Variants in TNFAIP8 observed in about 807,000 individuals in gnomAD.
TNFAIP8 encodes the protein TNF alpha induced protein 8, also known as tumor necrosis factor alpha-induced protein 8.
Under a neutral mutation model 13.3 loss-of-function variants are expected in TNFAIP8, and 7 were observed. The ratio of observed to expected loss-of-function variants is 0.52; its 90% confidence interval spans 0.30 to 0.99. The LOEUF (loss-of-function observed/expected upper bound fraction) is 0.99, where lower values mean the gene tolerates loss of function less well. Ranked by LOEUF, TNFAIP8 falls within the 50% of genes least tolerant of loss-of-function variation. TNFAIP8 has a pLI of 0.07. For synonymous variants in TNFAIP8, 94 were observed against 87.6 expected (o/e 1.07, Z -0.41); for missense variants, 258 against 236.9 (o/e 1.09, Z -0.58).
rs1199552814 is a variant in TNFAIP8 at position 119,393,022 on chromosome 5, A to G, written c.238A>G (p.Ile80Val). 1.2e-6 allele frequency: 2 copies of G among 1,613,544 alleles called. No homozygotes were observed. The highest frequency in any genetic ancestry group is 1.7e-6 in the Non-Finnish European group (2 of 1,179,694). ...CATCAAGAACCTCATCAAGACAGTC[A>G]TCAAGCTGGCCATTCTTTATAGGAA... ...KIIKNLIKTV[I>V]KLAILYRNNQ... is the part of the protein sequence containing the mutation. The change falls in exon 2 of 2, where the codon ATC (isoleucine) becomes GTC (valine). Residue 80 changes from isoleucine (I) to valine (V), a missense_variant. Physicochemically the swap from Ile to Val is conservative, Grantham distance 29. Transcript: ENST00000504771.
intron 1 of TNFAIP8, among the ~76,000 whole-genome samples, chr5:119,280,362 T>TAAA (rs541069435): frequency 4.6e-5 from 7 of 151,970 alleles, no homozygotes; most frequent in Non-Finnish European, 1.0e-4. Flanking sequence ...AAGTCTCTTT[T>TAAA]AATCTACAGA....
intron 1 of TNFAIP8, among the ~76,000 whole-genome samples, chr5:119,371,242 G>A (rs370898877): frequency 1.3e-5 from 2 of 152,092 alleles, no homozygotes; most frequent in African/African-American, 4.8e-5. Flanking sequence ...CGTGGAGTCT[G>A]GTATTTGTAT....
At chr5:119,381,607 C>T (rs1484126685) in intron 1 of TNFAIP8, among the ~76,000 whole-genome samples, 3 of 151,706 alleles carry the variant, frequency 2.0e-5, no homozygotes, top group Non-Finnish European at 2.9e-5. Context: ...GAGGCCATTC[C>T]CCTGTCTCTT....
At chr5:119,301,981 C>G (rs1269680762) in intron 1 of TNFAIP8, among the ~76,000 whole-genome samples, 1 of 152,194 alleles carries the variant, frequency 6.6e-6, no homozygotes, top group East Asian at 1.9e-4. Flanking sequence ...TCTAGTTTAT[C>G]TTCAGGAATG....
chr5:119,268,920 T>C, intron 1 of TNFAIP8: 1 of 699,124 alleles, frequency 1.4e-6, no homozygotes, highest in Non-Finnish European at 2.6e-6. Flanking sequence ...AAGTGGCTCC[T>C]GGGCGCGCCC....
At chr5:119,354,852 A>G (rs992821517), upstream of TNFAIP8, 3 of 159,280 alleles carry the variant, frequency 1.9e-5, no homozygotes, top group Non-Finnish European at 4.2e-5. Context: ...TGCCTATATA[A>G]AATCGGAAAC....
chr5:119,278,349 G>GAA, intron 1 of TNFAIP8, among the ~76,000 whole-genome samples: 1 of 115,042 alleles, frequency 8.7e-6, no homozygotes, highest in Non-Finnish European at 1.8e-5. Flanking sequence ...AAGACAGGAA[G>GAA]GGGGAGAGAG....
chr5:119,376,082 A>C (rs1752267200), intron 1 of TNFAIP8, among the ~76,000 whole-genome samples: 1 of 152,074 alleles, frequency 6.6e-6, no homozygotes, highest in Non-Finnish European at 1.5e-5. Flanking sequence ...CACTGAAATT[A>C]AAATGAAAAA....
intron 1 of TNFAIP8, among the ~76,000 whole-genome samples, chr5:119,388,305 C>G (rs1752755452): frequency 6.6e-6 from 1 of 152,178 alleles, no homozygotes; most frequent in South Asian, 2.1e-4. Flanking sequence ...TGAGGTAAAA[C>G]AAATACCTGT....
intron 1 of TNFAIP8, among the ~76,000 whole-genome samples, chr5:119,302,875 A>G (rs565873838): frequency 6.6e-6 from 1 of 152,334 alleles, no homozygotes; most frequent in Admixed American, 6.5e-5. Flanking sequence ...GTTGAAGGAG[A>G]GATGCTTCCT....
At chr5:119,378,931 G>A (rs1752382930) in intron 1 of TNFAIP8, among the ~76,000 whole-genome samples, 1 of 152,106 alleles carries the variant, frequency 6.6e-6, no homozygotes, top group African/African-American at 2.4e-5. Flanking sequence ...TGGCATGGTG[G>A]TGTGCGCCTG....
intron 1 of TNFAIP8, among the ~76,000 whole-genome samples, chr5:119,278,396 T>A (rs966184140): frequency 3.3e-5 from 5 of 149,960 alleles, no homozygotes; most frequent in Admixed American, 1.3e-4. Context: ...TGTGTGTGTG[T>A]GTGTGTGTGT....
At chr5:119,373,675 A>C (rs1005928100) in intron 1 of TNFAIP8, among the ~76,000 whole-genome samples, 1 of 152,244 alleles carries the variant, frequency 6.6e-6, no homozygotes, top group Non-Finnish European at 1.5e-5. Flanking sequence ...GGAAGACTGG[A>C]CGTGTGGTTG....
intron 1 of TNFAIP8, among the ~76,000 whole-genome samples, chr5:119,359,120 G>T (rs1751543111): frequency 2.0e-5 from 3 of 152,258 alleles, no homozygotes; most frequent in Admixed American, 2.0e-4. Context: ...TGTGGAACAG[G>T]TGTCATTCCT....
intron 1 of TNFAIP8, among the ~76,000 whole-genome samples, chr5:119,373,845 T>C (rs1471029133): frequency 6.6e-6 from 1 of 152,220 alleles, no homozygotes; most frequent in East Asian, 1.9e-4. Flanking sequence ...GCCTGCGTTT[T>C]GGGCTATGTG....
intron 1 of TNFAIP8, among the ~76,000 whole-genome samples, chr5:119,368,602 G>T: frequency 6.6e-6 from 1 of 152,150 alleles, no homozygotes. Context: ...CCATGCAAGT[G>T]TCAATCTCTG....
intron 1 of TNFAIP8, among the ~76,000 whole-genome samples, chr5:119,271,331 T>A (rs1018834151): frequency 6.6e-6 from 1 of 152,084 alleles, no homozygotes; most frequent in East Asian, 1.9e-4. Context: ...TAAAGTTGAG[T>A]CTGCCACAGT....
At chr5:119,331,935 G>A (rs1436412224) in intron 1 of TNFAIP8, among the ~76,000 whole-genome samples, 1 of 152,170 alleles carries the variant, frequency 6.6e-6, no homozygotes, top group East Asian at 1.9e-4. Context: ...GTGATTTAGG[G>A]TCCTGCACTT....
chr5:119,323,339 C>G (rs1270740676), intron 1 of TNFAIP8, among the ~76,000 whole-genome samples: 1 of 152,162 alleles, frequency 6.6e-6, no homozygotes, highest in African/African-American at 2.4e-5. Flanking sequence ...GGCTGCATTT[C>G]TTGGAGTTTC....
Sources: gnomAD v4.1 joint callset for allele counts (sites outside exome capture counted in the v4.1 genomes callset) on GRCh38, gnomAD v4.1.1 for gene constraint, MANE v1.5 for transcripts, NCBI Gene and HGNC (gene_info 2026-07-23, HGNC 2026-07-21) for gene names.